The following ATP8B2 variants were observed in gnomAD, a reference collection of about 807,000 sequenced individuals.
The protein encoded by ATP8B2 is ATPase phospholipid transporting 8B2, also known as phospholipid-transporting ATPase ID.
ATP8B2 carries 70 observed loss-of-function variants against 133.4 expected under a neutral mutation model. The observed-to-expected ratio is 0.52, with a 90% confidence interval of 0.43 to 0.64. The LOEUF (loss-of-function observed/expected upper bound fraction) is 0.64. Among genes scored for constraint, ATP8B2 ranks in the 30% least tolerant of loss-of-function variants. The pLI is 0.00. For synonymous variants in ATP8B2, 517 were observed against 589.5 expected (o/e 0.88, Z 1.78); for missense variants, 1,101 against 1,535.7 (o/e 0.72, Z 4.73).
Position 154,346,586 on chromosome 1 carries a change from C to T in ATP8B2, c.3025-34C>T, listed in dbSNP as rs1251215810. ...TTTCTGGGGGAAGGGGCTTTTAGGGCGTGCGCCTGCCTGACTATGCCTACT... is the reference window on the plus strand; with the variant it reads ...TTTCTGGGGGAAGGGGCTTTTAGGGTGTGCGCCTGCCTGACTATGCCTACT... On this transcript the variant is annotated intron_variant, in intron 25 of 27. Coordinates refer to ENST00000368489, the MANE Select transcript of ATP8B2 (RefSeq NM_001370597.1). The surrounding 1 kb of genome is among the most constrained non-coding windows in gnomAD (Gnocchi z 4.5). 4 of 1,613,368 alleles carry T rather than the reference C, an allele frequency of 2.5e-6. No individual in the cohort carries two copies. The highest frequency in any genetic ancestry group is 1.1e-5 in the South Asian group (1 of 91,000).
chr1:154,342,025 C>CTTCCCAG (rs1686401136), intron 13 of ATP8B2, among the ~76,000 whole-genome samples: 1 of 152,130 alleles, frequency 6.6e-6, no homozygotes, highest in African/African-American at 2.4e-5. Flanking sequence ...TGGCCCGTGG[C>CTTCCCAG]TGTGCTGCTG....
rs777364815 is a variant in ATP8B2 at position 154,346,326 on chromosome 1, C to A, written c.2874C>A (p.Ile958=). The A allele has an allele frequency of 2.5e-6, 4 of 1,613,966 alleles. No homozygotes were observed. Among genetic ancestry groups the A allele is most frequent in the Non-Finnish European group, 3.4e-6 (4 of 1,179,992 alleles). The change falls in exon 25 of 28, where the codon ATC becomes ATA. Residue 958 remains isoleucine (I), a synonymous_variant. Transcript: ENST00000368489. The surrounding 1 kb of genome is among the most constrained non-coding windows in gnomAD (Gnocchi z 4.5). ...LFNKREFFIC[I]AQGIYTSVLM... ...ACAAGCGGGAGTTCTTCATCTGCATCGCCCAGGGCATCTACACCTCCGTGC... is the reference window on the plus strand; with the variant it reads ...ACAAGCGGGAGTTCTTCATCTGCATAGCCCAGGGCATCTACACCTCCGTGC...
At chr1:154,347,455 A>C (rs1686622229) in intron 26 of ATP8B2, among the ~76,000 whole-genome samples, 1 of 152,078 alleles carries the variant, frequency 6.6e-6, no homozygotes, top group Admixed American at 6.6e-5. Context: ...AAGCCATTGG[A>C]GGGCTTTGAG....
intron 12 of ATP8B2, among the ~76,000 whole-genome samples, chr1:154,338,318 G>T (rs1482579801): frequency 6.6e-6 from 1 of 151,924 alleles, no homozygotes; most frequent in Non-Finnish European, 1.5e-5. Flanking sequence ...TCCTGATTGT[G>T]GAGGCTTTTG....
chr1:154,341,667 C>T (rs1419473719), intron 13 of ATP8B2: 1 of 156,592 alleles, frequency 6.4e-6, no homozygotes, highest in Non-Finnish European at 1.4e-5. Context: ...GTGGCAGGTG[C>T]CTGTTTTCCC....
rs564899078 is a variant in ATP8B2 at position 154,340,702 on chromosome 1, C to T, written c.1035-152C>T. On this transcript the variant is annotated intron_variant, in intron 12 of 27. Coordinates refer to ENST00000368489, the MANE Select transcript of ATP8B2 (RefSeq NM_001370597.1). The surrounding 1 kb of genome is among the most constrained non-coding windows in gnomAD (Gnocchi z 4.0). ...GTGTGCAGCCGGCTCCACCTTCAGG[C>T]TCTCCTTGCCCTTTCCCACCCAGGT... 4.7e-5 allele frequency: 34 copies of T among 720,580 alleles called. No individual in the cohort carries two copies. The East Asian group carries it at 8.5e-4, about 18-fold the overall frequency. The allele number at this position is 720,580 out of a possible 1,614,324, so 44.6% of individuals were successfully genotyped here.
At chr1:154,326,592 G>A (rs1685799710) in intron 1 of ATP8B2, among the ~76,000 whole-genome samples, 1 of 152,126 alleles carries the variant, frequency 6.6e-6, no homozygotes, top group Non-Finnish European at 1.5e-5. Flanking sequence ...TTGGAATGAT[G>A]GCCCCCCCAG....
chr1:154,329,220 T>A, intron 2 of ATP8B2: 1 of 771,946 alleles, frequency 1.3e-6, no homozygotes, highest in Non-Finnish European at 1.8e-6. Context: ...ATCCAGTCCC[T>A]ACCTTCTTCG....
rs1248534458 is a variant in ATP8B2, at chr1:154,346,500, C to T, written c.3024+24C>T. The T allele has an allele frequency of 6.8e-6, 11 of 1,605,962 alleles. No individual in the cohort carries two copies. The Admixed American group carries it at 1.5e-4, about 22-fold the overall frequency. ...AGGTATGAGGCCATCCAGGAACTCC[C>T]CTCTTCTCTGGAAGGAGTGAGCCTT... On this transcript the variant is annotated intron_variant, in intron 25 of 27. Coordinates refer to ENST00000368489, the MANE Select transcript of ATP8B2 (RefSeq NM_001370597.1). This position sits in a 1 kb window ranked among gnomAD's most constrained non-coding sequence, Gnocchi z 4.5.
chr1:154,342,872 A>G lies in ATP8B2; in HGVS notation c.1364A>G (p.Glu455Gly). 6.2e-7 allele frequency: 1 copy of G among 1,614,106 alleles called. No homozygotes were observed. The highest frequency in any genetic ancestry group is 1.1e-5 in the South Asian group (1 of 91,082). Residue 455 changes from glutamate to glycine, a missense_variant, in exon 15 of 28, where the codon GAG becomes GGG. Coordinates refer to ENST00000368489, the MANE Select transcript of ATP8B2 (RefSeq NM_001370597.1). ...KFLFWDPSLLEAVKIGDPHTH... is the reference protein window; with the variant it reads ...KFLFWDPSLLGAVKIGDPHTH... ...TTATTTTGGGACCCCAGCCTGCTGG[A>G]GGCTGTCAAGATCGGGGACCCCCAC...
In ATP8B2 at chr1:154,349,323, A is replaced by C. The variant is rs1686709494; in HGVS notation, c.*205A>C. The C allele has an allele frequency of 4.0e-6, 3 of 748,424 alleles. No individual in the cohort carries two copies. The highest frequency in any genetic ancestry group is 4.2e-6 in the Non-Finnish European group (2 of 474,138). The allele number at this position is 748,424 out of a possible 1,614,324, so 46.4% of individuals were successfully genotyped here. A position where few individuals can be genotyped will look rare whatever the true frequency, so the allele number is the denominator to read the frequency against. On this transcript the variant is annotated 3_prime_UTR_variant, in exon 28 of 28. Coordinates refer to ENST00000368489, the MANE Select transcript of ATP8B2 (RefSeq NM_001370597.1). The stretch of plus-strand genomic sequence containing the variant: ...CACCAGCTGGGGAGCTAGAGGGAGC[A>C]GGCCCAAGGGCAGAGCAGAGGCTGA...
rs1686695348 is a variant in ATP8B2, at chr1:154,348,989, G to T, written c.3444G>T (p.Arg1148=). ...TCATCATGTCTGGCAAGAACATGCG[G>T]CTGAGCTCTCTCGCGCTCTCCAGCT... ...GELIMSGKNM[R]LSSLALSSFT... Residue 1148 remains arginine (R), a synonymous_variant, in exon 28 of 28, where the codon CGG becomes CGT. Transcript: ENST00000368489. 4 of 1,614,252 alleles carry T rather than the reference G, an allele frequency of 2.5e-6. No homozygotes were observed. The highest frequency in any genetic ancestry group is 1.3e-5 in the African/African-American group (1 of 75,070).
intron 1 of ATP8B2, 50 bp downstream of exon 1, chr1:154,325,752 A>T (rs1685764519): frequency 1.3e-5 from 2 of 152,510 alleles, no homozygotes; most frequent in Non-Finnish European, 2.9e-5. Context: ...CGGGGCCAGG[A>T]GGGCAGAGGG....
intron 14 of ATP8B2, 61 bp from the exon 15 acceptor site, chr1:154,342,735 C>A: frequency 6.3e-7 from 1 of 1,577,898 alleles, no homozygotes; most frequent in South Asian, 1.1e-5. Context: ...AGGGATGAAC[C>A]CTTCCCCGGG....
intron 11 of ATP8B2, among the ~76,000 whole-genome samples, chr1:154,336,002 A>G (rs1020689106): frequency 1.3e-5 from 2 of 149,656 alleles, no homozygotes; most frequent in African/African-American, 5.0e-5. Context: ...AGGTCGCGCC[A>G]CTGCACTCCA....
intron 26 of ATP8B2, among the ~76,000 whole-genome samples, chr1:154,347,304 A>C (rs1340767754): frequency 6.6e-6 from 1 of 152,088 alleles, no homozygotes; most frequent in East Asian, 1.9e-4. Flanking sequence ...GCCTGGGAGG[A>C]GGTCTTCTGC....
Position 154,344,836 on chromosome 1 carries a change from T to C in ATP8B2, c.2286+51T>C. On this transcript the variant is annotated intron_variant, in intron 21 of 27. Coordinates refer to ENST00000368489, the MANE Select transcript of ATP8B2 (RefSeq NM_001370597.1). This position sits in a 1 kb window ranked among gnomAD's most constrained non-coding sequence, Gnocchi z 4.1. The stretch of plus-strand genomic sequence containing the variant: ...GCAGTATCTTTCCAGTGAGCACTTC[T>C]GTCCAGGGCTTTTATATCTTGTTCT... 6.4e-7 allele frequency: 1 copy of C among 1,561,098 alleles called. No individual in the cohort carries two copies. Among genetic ancestry groups the C allele is most frequent in the Non-Finnish European group, 8.7e-7 (1 of 1,151,242 alleles).
Position 154,346,903 on chromosome 1 carries a change from A to G in ATP8B2, c.3163+145A>G. 2.3e-6 allele frequency: 2 copies of G among 868,236 alleles called. No individual in the cohort carries two copies. The highest frequency in any genetic ancestry group is 1.6e-6 in the Non-Finnish European group (1 of 622,050). 53.8% of individuals were successfully genotyped at this position (868,236 alleles called of 1,614,324 possible). ...TTTATTTATTTATTTATTTTCGAGA[A>G]GGAGTCTTGCCCAGGCTGGAGTGCA... On this transcript the variant is annotated intron_variant, in intron 26 of 27. Transcript: ENST00000368489. This position sits in a 1 kb window ranked among gnomAD's most constrained non-coding sequence, Gnocchi z 4.5.
Position 154,343,693 on chromosome 1 carries a change from G to T in ATP8B2, c.1758+125G>T. ...CGTGATGTTTTGATGTGTATATATA[G>T]TGAAGTGATTACTACAGTCAGACAA... On this transcript the variant is annotated intron_variant, in intron 17 of 27. Transcript: ENST00000368489. This position sits in a 1 kb window ranked among gnomAD's most constrained non-coding sequence, Gnocchi z 5.8. 1 of 1,025,710 alleles carries T rather than the reference G, an allele frequency of 9.7e-7. No homozygotes were observed. The allele number at this position is 1,025,710 out of a possible 1,614,324, so 63.5% of individuals were successfully genotyped here.
Sources: gnomAD v4.1 joint callset for allele counts (sites outside exome capture counted in the v4.1 genomes callset) on GRCh38, gnomAD v4.1.1 for gene constraint, Gnocchi (gnomAD v3.1) non-coding constraint, MANE v1.5 for transcripts, NCBI Gene and HGNC (gene_info 2026-07-23, HGNC 2026-07-21) for gene names.